NEGR1: variants seen among roughly 807,000 people sequenced by gnomAD.
The protein encoded by NEGR1 is IgLON family member 4.
In NEGR1, 10 loss-of-function variants were observed where a neutral mutation model predicts 40.9. The ratio of observed to expected loss-of-function variants is 0.24; its 90% CI spans 0.15 to 0.42. NEGR1 has a LOEUF of 0.42. Ranked by LOEUF, NEGR1 falls within the 10% of genes least tolerant of loss-of-function variation. The pLI, the probability that NEGR1 is intolerant of heterozygous loss-of-function variation, is 1.00. For missense variants in NEGR1, 352 were observed against 438.9 expected (o/e 0.80, Z 1.77); for synonymous variants, 185 against 166.8 (o/e 1.11, Z -0.84).
Position 71,935,304 on chromosome 1 carries a change from A to C in NEGR1, c.184T>G (p.Leu62Val), listed in dbSNP as rs752290207. The change falls in exon 2 of 7, where the codon TTG (leucine) becomes GTG (valine). Residue 62 changes from leucine (L) to valine (V), a missense_variant. Physicochemically the swap from Leu to Val is conservative, Grantham distance 32 (BLOSUM62 1). Transcript: ENST00000357731. ...KGDTAVLRCY[L>V]EDGASKGAWL... Reference sequence around the variant, plus strand: ...GCACCCTTTGAAGCTCCATCTTCCAAATAACACCTACAAATTACAAGAGAT... The same window carrying C: ...GCACCCTTTGAAGCTCCATCTTCCACATAACACCTACAAATTACAAGAGAT... 6.2e-7 allele frequency: 1 copy of C among 1,601,910 alleles called. No individual in the cohort carries two copies. Among genetic ancestry groups the C allele is most frequent in the Non-Finnish European group, 8.6e-7 (1 of 1,168,926 alleles).
intron 1 of NEGR1, among the ~76,000 whole-genome samples, chr1:72,247,207 C>G (rs1325239314): frequency 6.6e-6 from 1 of 152,160 alleles, no homozygotes; most frequent in Non-Finnish European, 1.5e-5. Context: ...ACACCTTGCT[C>G]CCTTTTGGTT....
intron 1 of NEGR1, among the ~76,000 whole-genome samples, chr1:72,189,585 T>G (rs1652742605): frequency 6.6e-6 from 1 of 151,554 alleles, no homozygotes; most frequent in Non-Finnish European, 1.5e-5. Context: ...TATCTATATC[T>G]TGAGTGACTA....
chr1:72,068,768 C>T (rs913458632), intron 1 of NEGR1, among the ~76,000 whole-genome samples: 1 of 152,004 alleles, frequency 6.6e-6, no homozygotes, highest in Non-Finnish European at 1.5e-5. Context: ...GTGATTTTGT[C>T]TTACCAAGAA....
At chr1:71,465,092 A>G (rs1427079450) in intron 6 of NEGR1, among the ~76,000 whole-genome samples, 1 of 152,056 alleles carries the variant, frequency 6.6e-6, no homozygotes, top group East Asian at 1.9e-4. Flanking sequence ...AATTTATACC[A>G]TTTATTTCAT....
chr1:71,936,462 T>G (rs953471846), intron 1 of NEGR1, among the ~76,000 whole-genome samples: 1 of 152,154 alleles, frequency 6.6e-6, no homozygotes, highest in Non-Finnish European at 1.5e-5. Context: ...ACAGGATGCA[T>G]GAGAGATCAA....
At chr1:71,580,493 T>A (rs940254801) in intron 6 of NEGR1, among the ~76,000 whole-genome samples, 1 of 151,986 alleles carries the variant, frequency 6.6e-6, no homozygotes, top group African/African-American at 2.4e-5. Flanking sequence ...AAATGTGGCA[T>A]GCATGTGACA....
intron 1 of NEGR1, among the ~76,000 whole-genome samples, chr1:72,168,354 C>CT (rs556864597): frequency 2.7e-5 from 4 of 150,646 alleles, no homozygotes; most frequent in Admixed American, 6.6e-5. Flanking sequence ...AGAGCCAGTC[C>CT]TTTTTTTTTC....
At chr1:72,110,221 T>TAAAAAAAAAAAAA (rs57618301) in intron 1 of NEGR1, among the ~76,000 whole-genome samples, 12 of 106,970 alleles carry the variant, frequency 1.1e-4, no homozygotes, top group East Asian at 2.6e-4. Context: ...TAGAGTATAA[T>TAAAAAAAAAAAAA]AAAAAAAAAA....
chr1:72,091,042 A>AT (rs1426634413), intron 1 of NEGR1, among the ~76,000 whole-genome samples: 2 of 152,214 alleles, frequency 1.3e-5, no homozygotes, highest in Middle Eastern at 3.4e-3. Context: ...ATAAATGATG[A>AT]TTTTTCAAAT....
chr1:72,241,523 T>A (rs1210912042), intron 1 of NEGR1, among the ~76,000 whole-genome samples: 1 of 151,598 alleles, frequency 6.6e-6, no homozygotes, highest in African/African-American at 2.4e-5. Flanking sequence ...TAACTACTCA[T>A]GTTTTGTAAA....
intron 6 of NEGR1, among the ~76,000 whole-genome samples, chr1:71,541,497 T>A (rs1328836830): frequency 6.6e-6 from 1 of 151,740 alleles, no homozygotes; most frequent in African/African-American, 2.4e-5. Context: ...ATATAAATAG[T>A]AAGTCGACCT....
chr1:72,006,582 T>C (rs893171723), intron 1 of NEGR1, among the ~76,000 whole-genome samples: 1 of 152,142 alleles, frequency 6.6e-6, no homozygotes, highest in African/African-American at 2.4e-5. Context: ...ATTTTGACAT[T>C]AAGCACCCAG....
At chr1:71,953,838 G>C (rs1646094235) in intron 1 of NEGR1, among the ~76,000 whole-genome samples, 1 of 151,628 alleles carries the variant, frequency 6.6e-6, no homozygotes, top group Non-Finnish European at 1.5e-5. Flanking sequence ...CTTTTTTTTA[G>C]ACATAATGCT....
intron 2 of NEGR1, among the ~76,000 whole-genome samples, chr1:71,852,920 G>A (rs1440425630): frequency 1.3e-5 from 2 of 151,904 alleles, no homozygotes; most frequent in Non-Finnish European, 1.5e-5. Context: ...AATGGAAAAC[G>A]CTTGTAATAG....
At chr1:71,654,160 T>C (rs1651804632) in intron 4 of NEGR1, among the ~76,000 whole-genome samples, 2 of 151,894 alleles carry the variant, frequency 1.3e-5, no homozygotes, top group African/African-American at 4.8e-5. Flanking sequence ...AACTATGGAG[T>C]CAGCAAAAAG....
At chr1:71,898,121 C>T (rs1297929295) in intron 2 of NEGR1, among the ~76,000 whole-genome samples, 4 of 152,112 alleles carry the variant, frequency 2.6e-5, no homozygotes, top group African/African-American at 9.7e-5. Flanking sequence ...AACAGTTTAT[C>T]TTTCTTCTGA....
chr1:71,577,807 C>T (rs1649011449), intron 6 of NEGR1, among the ~76,000 whole-genome samples: 1 of 152,116 alleles, frequency 6.6e-6, no homozygotes, highest in Non-Finnish European at 1.5e-5. Context: ...GCCTATCTCA[C>T]GTTGAATTCA....
rs1034236595 is a variant in NEGR1, at chr1:71,555,689, C to T, written c.940+37128G>A. Among the ~76,000 whole-genome samples, 3 of 151,648 alleles carry T rather than the reference C, an allele frequency of 2.0e-5. No individual in the cohort carries two copies. The East Asian group carries it at 5.9e-4, about 30-fold the overall frequency. ...CGTGAACATAAGGTCAGCAAAGATC[C>T]ACTGAAAGATAATAAACACTCTCTA... On this transcript the variant is annotated intron_variant, in intron 6 of 6. Coordinates refer to ENST00000357731, the MANE Select transcript of NEGR1 (RefSeq NM_173808.3).
At chr1:71,797,548 C>T (rs1030808038) in intron 2 of NEGR1, among the ~76,000 whole-genome samples, 18 of 152,212 alleles carry the variant, frequency 1.2e-4, no homozygotes, top group African/African-American at 4.1e-4. Context: ...AGAGAAAATA[C>T]ATCAAAGTGA....
Sources: gnomAD v4.1 joint callset for allele counts (sites outside exome capture counted in the v4.1 genomes callset) on GRCh38, gnomAD v4.1.1 for gene constraint, MANE v1.5 for transcripts, NCBI Gene and HGNC (gene_info 2026-07-23, HGNC 2026-07-21) for gene names.